IGF1: variants seen among roughly 807,000 people sequenced by gnomAD.
IGF1 encodes the protein insulin-like growth factor 1.
In IGF1, 4 loss-of-function variants were observed where a neutral mutation model predicts 13.8. The ratio of observed to expected loss-of-function variants is 0.29; its 90% CI spans 0.14 to 0.66. The LOEUF is 0.66. IGF1 is among the 30% of genes least tolerant of loss of function. IGF1 has a pLI of 0.78. For synonymous variants in IGF1, 76 were observed against 72.6 expected, an observed-to-expected ratio of 1.05 and a Z score of -0.23; for missense variants, 124 against 188.5, an observed-to-expected ratio of 0.66 and a Z score of 2.00.
At chr12:102,441,956 T>G (rs1039346066) in intron 2 of IGF1, among the ~76,000 whole-genome samples, 1 of 140,486 alleles carries the variant, frequency 7.1e-6, no homozygotes, top group Non-Finnish European at 1.5e-5. Context: ...CTTCTTCTTC[T>G]TTTTTTTTTT....
intron 1 of IGF1, among the ~76,000 whole-genome samples, 166 bp downstream of exon 1, chr12:102,480,153 G>T (rs570971806): frequency 6.6e-6 from 1 of 152,068 alleles, no homozygotes; most frequent in African/African-American, 2.4e-5. Flanking sequence ...CCATCTCCCC[G>T]AGCTATTTTT....
intron 3 of IGF1, among the ~76,000 whole-genome samples, chr12:102,415,036 T>G (rs1874964098): frequency 6.6e-6 from 1 of 152,240 alleles, no homozygotes; most frequent in Non-Finnish European, 1.5e-5. Flanking sequence ...CAATAGGTCC[T>G]TGAACAATTT....
At chr12:102,458,660 A>G (rs1328504316) in intron 2 of IGF1, among the ~76,000 whole-genome samples, 1 of 151,620 alleles carries the variant, frequency 6.6e-6, no homozygotes, top group African/African-American at 2.4e-5. Flanking sequence ...GTGGGAACTT[A>G]CAGAGATTAA....
intron 2 of IGF1, among the ~76,000 whole-genome samples, chr12:102,424,906 T>C (rs1006651310): frequency 6.6e-6 from 1 of 152,194 alleles, no homozygotes; most frequent in Non-Finnish European, 1.5e-5. Flanking sequence ...TTTTTGTCTA[T>C]TGAAATCACA....
intron 2 of IGF1, among the ~76,000 whole-genome samples, chr12:102,421,415 G>A (rs184992899): frequency 7.9e-5 from 12 of 152,150 alleles, no homozygotes; most frequent in Admixed American, 7.8e-4. Context: ...AGACACAAAT[G>A]GGCTTACACT....
At chr12:102,429,714 T>C (rs1175306523) in intron 2 of IGF1, among the ~76,000 whole-genome samples, 1 of 152,232 alleles carries the variant, frequency 6.6e-6, no homozygotes, top group Non-Finnish European at 1.5e-5. Context: ...TATTCTCAGC[T>C]TATGATATTG....
chr12:102,447,204 G>C (rs1465629657), intron 2 of IGF1, among the ~76,000 whole-genome samples: 1 of 152,168 alleles, frequency 6.6e-6, no homozygotes, highest in Admixed American at 6.5e-5. Context: ...ATATTCTGTT[G>C]ATTTGCGGTG....
chr12:102,405,004 G>T (rs916642328), intron 3 of IGF1, among the ~76,000 whole-genome samples: 1 of 151,850 alleles, frequency 6.6e-6, no homozygotes, highest in Non-Finnish European at 1.5e-5. Flanking sequence ...TGATCCACCC[G>T]CCTTGGCCTC....
chr12:102,418,373 A>G (rs1232980417), intron 3 of IGF1, among the ~76,000 whole-genome samples: 1 of 152,160 alleles, frequency 6.6e-6, no homozygotes, highest in East Asian at 1.9e-4. Flanking sequence ...GTCCCCTTCC[A>G]TCCTTCAGAG....
intron 2 of IGF1, among the ~76,000 whole-genome samples, chr12:102,454,142 T>C (rs1477712105): frequency 1.3e-5 from 2 of 152,216 alleles, no homozygotes; most frequent in Non-Finnish European, 2.9e-5. Context: ...GTCTATGTGC[T>C]CTTCTATTGA....
At chr12:102,466,242 C>A (rs1256437806) in intron 2 of IGF1, among the ~76,000 whole-genome samples, 1 of 152,216 alleles carries the variant, frequency 6.6e-6, no homozygotes, top group Non-Finnish European at 1.5e-5. Context: ...GGACCATAGG[C>A]TCTGGATTAA....
intron 3 of IGF1, among the ~76,000 whole-genome samples, chr12:102,410,398 G>A (rs867676749): frequency 4.0e-4 from 61 of 152,078 alleles, no homozygotes; most frequent in African/African-American, 1.3e-3. Context: ...ATTATCTTTC[G>A]CAGAGGGAGT....
intron 3 of IGF1, 130 bp downstream of exon 3, chr12:102,419,379 C>G: frequency 1.2e-6 from 1 of 820,454 alleles, no homozygotes; most frequent in Non-Finnish European, 1.9e-6. Context: ...GTAATCCATC[C>G]CTTTGGTGCA....
chr12:102,477,942 A>G (rs1881163225), intron 1 of IGF1, among the ~76,000 whole-genome samples: 2 of 152,072 alleles, frequency 1.3e-5, no homozygotes, highest in African/African-American at 4.8e-5. Context: ...AGCGATACAT[A>G]TAAGTCTCTG....
chr12:102,451,397 C>T (rs187237257), intron 2 of IGF1, among the ~76,000 whole-genome samples: 5 of 152,288 alleles, frequency 3.3e-5, no homozygotes, highest in Admixed American at 3.3e-4. Context: ...AATGAACTTC[C>T]AGGAAGCCAG....
chr12:102,417,554 C>A (rs1875249629), intron 3 of IGF1: 1 of 1,165,888 alleles, frequency 8.6e-7, no homozygotes, highest in Non-Finnish European at 1.1e-6. Flanking sequence ...TCTTTTTTTG[C>A]CTCTTTTATA....
At chr12:102,417,871 T>C (rs372640025) in intron 3 of IGF1, 14 of 1,614,056 alleles carry the variant, frequency 8.7e-6, no homozygotes, top group African/African-American at 8.0e-5. Context: ...ATCTCCCTCC[T>C]CTGCTCTTTC....
intron 2 of IGF1, among the ~76,000 whole-genome samples, chr12:102,441,596 G>T (rs751428235): frequency 4.6e-5 from 7 of 152,206 alleles, no homozygotes; most frequent in Admixed American, 2.0e-4. Context: ...AATCTTCAGA[G>T]CTCGTGGGCA....
At chr12:102,462,420 C>T (rs1005507954) in intron 2 of IGF1, among the ~76,000 whole-genome samples, 1 of 152,208 alleles carries the variant, frequency 6.6e-6, no homozygotes, top group Non-Finnish European at 1.5e-5. Context: ...CCAGTGTCTA[C>T]TTCAGAACCA....
Sources: allele counts gnomAD v4.1 joint callset (sites outside exome capture counted in the v4.1 genomes callset), GRCh38; gene constraint gnomAD v4.1.1; transcripts MANE v1.5; gene names NCBI Gene and HGNC (gene_info 2026-07-23, HGNC 2026-07-21).